The following ADGRA3 variants were observed in gnomAD, a reference collection of about 807,000 sequenced individuals.
The protein encoded by ADGRA3 is adhesion G protein-coupled receptor A3.
In ADGRA3, 56 loss-of-function variants were observed where a neutral mutation model predicts 119.8. The observed-to-expected ratio is 0.47, with a 90% CI of 0.38 to 0.58. The LOEUF (loss-of-function observed/expected upper bound fraction) is 0.58, where lower values mean the gene tolerates loss of function less well. Among genes scored for constraint, ADGRA3 ranks in the 20% least tolerant of loss-of-function variants. ADGRA3 has a pLI of 0.00. For synonymous variants in ADGRA3, 607 were observed against 623.8 expected, an observed-to-expected ratio of 0.97 and a Z score of 0.40; for missense variants, 1,516 against 1,649.0, an observed-to-expected ratio of 0.92 and a Z score of 1.40.
chr4:22,404,515 A>C (rs556406089), intron 14 of ADGRA3, among the ~76,000 whole-genome samples: 2 of 152,330 alleles, frequency 1.3e-5, no homozygotes, highest in East Asian at 3.9e-4. Context: ...ACTCAACTAT[A>C]CTATGATGAG....
At chr4:22,397,964 T>G (rs757851648) in intron 16 of ADGRA3, 1 of 469,268 alleles carries the variant, frequency 2.1e-6, no homozygotes, top group South Asian at 9.1e-5. Context: ...GAACAGAATC[T>G]CCGAAACAGT....
intron 4 of ADGRA3, 28 bp from the exon 5 acceptor site, chr4:22,447,539 T>A (rs758546365): frequency 4.7e-6 from 6 of 1,279,610 alleles, no homozygotes; most frequent in Non-Finnish European, 6.6e-6. Flanking sequence ...ATTTCACTTT[T>A]AAAAATACAA....
At chr4:22,400,018 T>C (rs895022281) in intron 16 of ADGRA3, among the ~76,000 whole-genome samples, 4 of 152,204 alleles carry the variant, frequency 2.6e-5, no homozygotes, top group African/African-American at 7.2e-5. Flanking sequence ...AGATACTTGA[T>C]AGTCTTTGAC....
At position 22,388,150 on chromosome 4, in the gene ADGRA3, T is replaced by G; in HGVS notation, c.3521A>C (p.Asn1174Thr). 1 of 1,614,050 alleles carries G rather than the reference T, an allele frequency of 6.2e-7. No homozygotes were observed. Residue 1174 changes from asparagine to threonine, a missense_variant, in exon 19 of 19, where the codon AAC becomes ACC. Physicochemically the swap from Asn to Thr is moderately conservative, Grantham distance 65. Around this residue, in one of 2 missense-constraint regions of ADGRA3, gnomAD observed 1,088 missense variants for 1,107.1 expected, o/e 0.98. Coordinates refer to ENST00000334304, the MANE Select transcript of ADGRA3 (RefSeq NM_145290.4). ...GCTTGCCCGGTGTCCTTTACTTCTG[T>G]TTTTATGGTGGCGGCTTGAGTGCAC... ...TNVHSSRHHK[N>T]RSKGHRASRL... is the part of the protein sequence containing the mutation.
At chr4:22,424,035 TG>T (rs1715825502) in intron 11 of ADGRA3, among the ~76,000 whole-genome samples, 155 bp downstream of exon 11, 1 of 152,062 alleles carries the variant, frequency 6.6e-6, no homozygotes, top group Non-Finnish European at 1.5e-5. Flanking sequence ...ACTTATAAAA[TG>T]TTATAACTTA....
intron 17 of ADGRA3, among the ~76,000 whole-genome samples, chr4:22,391,710 G>A (rs1305690887): frequency 6.6e-6 from 1 of 152,064 alleles, no homozygotes; most frequent in Non-Finnish European, 1.5e-5. Context: ...ACACACAAAG[G>A]CCTCAAAGCC....
chr4:22,470,067 C>G (rs2109115385), intron 2 of ADGRA3, among the ~76,000 whole-genome samples: 1 of 152,256 alleles, frequency 6.6e-6, no homozygotes, highest in Admixed American at 6.5e-5. Context: ...TTTAAATCAG[C>G]TACATGGAAA....
chr4:22,407,661 G>A (rs1714996613), intron 14 of ADGRA3, among the ~76,000 whole-genome samples: 1 of 152,128 alleles, frequency 6.6e-6, no homozygotes, highest in African/African-American at 2.4e-5. Flanking sequence ...GTTCTCCACA[G>A]AAGTTAGCTG....
intron 1 of ADGRA3, among the ~76,000 whole-genome samples, chr4:22,499,064 A>C (rs1180128685): frequency 6.6e-6 from 1 of 152,200 alleles, no homozygotes; most frequent in Non-Finnish European, 1.5e-5. Flanking sequence ...GCAAGCAAAG[A>C]TCATGAAGCA....
intron 1 of ADGRA3, among the ~76,000 whole-genome samples, chr4:22,500,456 T>C (rs1719014129): frequency 8.6e-6 from 1 of 116,436 alleles, no homozygotes; most frequent in Admixed American, 9.0e-5. Flanking sequence ...CATTCCAACG[T>C]TGGTTGTTAT....
intron 2 of ADGRA3, among the ~76,000 whole-genome samples, chr4:22,471,486 C>T (rs1442351208): frequency 3.9e-5 from 6 of 152,126 alleles, no homozygotes; most frequent in Non-Finnish European, 7.4e-5. Flanking sequence ...CCTTTCATCA[C>T]TTTTTCTTTC....
At chr4:22,394,194 G>A (rs535143523) in intron 16 of ADGRA3, 3 of 152,060 alleles carry the variant, frequency 2.0e-5, no homozygotes, top group East Asian at 1.9e-4. Context: ...ATCAAAGGTC[G>A]ATAATAAAAT....
rs1295443100 is a variant in ADGRA3 at position 22,390,383 on chromosome 4, ACG to A, written c.2628-1202_2628-1201del. Among the ~76,000 whole-genome samples, 4 of 36,436 alleles carry A rather than the reference ACG, an allele frequency of 1.1e-4. No homozygotes were observed. In the South Asian group the frequency reaches 3.3e-3, roughly 30 times the overall value. The allele number at this position is 36,436 out of a possible 152,430, so 23.9% of individuals were successfully genotyped here. A position where few individuals can be genotyped will look rare whatever the true frequency, so the allele number is the denominator to read the frequency against. On this transcript the variant is annotated intron_variant, in intron 17 of 18. Coordinates refer to ENST00000334304, the MANE Select transcript of ADGRA3 (RefSeq NM_145290.4). ...ATAATACGTATTATATATATATAAT[ACG>A]TATTATATATATATATAAAATACGT...
chr4:22,475,534 T>C (rs1434377170), intron 1 of ADGRA3, among the ~76,000 whole-genome samples: 4 of 152,092 alleles, frequency 2.6e-5, no homozygotes, highest in Admixed American at 6.5e-5. Flanking sequence ...GAGACCATCC[T>C]GGCTAAAACG....
chr4:22,491,753 G>T (rs1302198536), intron 1 of ADGRA3, among the ~76,000 whole-genome samples: 2 of 152,114 alleles, frequency 1.3e-5, no homozygotes, highest in African/African-American at 4.8e-5. Flanking sequence ...TGTTCTTGTT[G>T]TATCTGGAGT....
At chr4:22,487,164 G>T (rs1311057270) in intron 1 of ADGRA3, among the ~76,000 whole-genome samples, 1 of 152,034 alleles carries the variant, frequency 6.6e-6, no homozygotes, top group African/African-American at 2.4e-5. Flanking sequence ...TCACTAACAT[G>T]GTAAAATAAC....
intron 14 of ADGRA3, among the ~76,000 whole-genome samples, chr4:22,403,648 G>C (rs1003274058): frequency 2.0e-5 from 3 of 152,158 alleles, no homozygotes; most frequent in Middle Eastern, 3.4e-3. Flanking sequence ...GGCTGAGGTT[G>C]GGAGGATCAC....
chr4:22,424,254 A>C lies in ADGRA3; in HGVS notation c.1542T>G (p.Ile514Met). The C allele has an allele frequency of 6.2e-7, 1 of 1,613,592 alleles. No individual in the cohort carries two copies. Among genetic ancestry groups the C allele is most frequent in the East Asian group, 2.2e-5 (1 of 44,864 alleles). Residue 514 changes from isoleucine (I) to methionine (M), a missense_variant, in exon 11 of 19, where the codon ATT becomes ATG. Ile to Met is a conservative substitution (Grantham distance 10). Coordinates refer to ENST00000334304, the MANE Select transcript of ADGRA3 (RefSeq NM_145290.4). The part of the protein sequence containing the change: ...AQREAKACSR[I>M]VQCLQRIATY... ...TAGCAATGCGCTGAAGACACTGCACAATCCTACTGCAGGCTTTAGCTTCCC... is the reference window on the plus strand; with the variant it reads ...TAGCAATGCGCTGAAGACACTGCACCATCCTACTGCAGGCTTTAGCTTCCC...
At chr4:22,515,283 C>G (rs920320476) in intron 1 of ADGRA3, 1 of 336,876 alleles carries the variant, frequency 3.0e-6, no homozygotes, top group African/African-American at 2.2e-5. Context: ...GCGCGGGGAG[C>G]GCCTGAGAAC....
Sources: allele counts gnomAD v4.1 joint callset (sites outside exome capture counted in the v4.1 genomes callset), GRCh38; gene constraint gnomAD v4.1.1; regional missense constraint gnomAD v4.1.1; transcripts MANE v1.5; gene names NCBI Gene and HGNC (gene_info 2026-07-23, HGNC 2026-07-21).